Variants in MARK3 observed in about 807,000 individuals in gnomAD.
MARK3 encodes MAP/microtubule affinity-regulating kinase 3.
Under a neutral mutation model 90.1 loss-of-function variants are expected in MARK3, and 46 were observed. That is an observed-to-expected ratio of 0.51 (90% confidence interval 0.40 to 0.65). The LOEUF (loss-of-function observed/expected upper bound fraction) is 0.65. MARK3 is among the 30% of genes least tolerant of loss of function. MARK3 has a pLI of 0.00. For missense variants in MARK3, 818 were observed against 947.2 expected (o/e 0.86, Z 1.79); for synonymous variants, 321 against 332.6 (o/e 0.97, Z 0.38).
chr14:103,412,708 C>T (rs1595539952), intron 2 of MARK3: 3 of 622,374 alleles, frequency 4.8e-6, no homozygotes, highest in East Asian at 9.3e-5. Flanking sequence ...GGTTCCCGTG[C>T]AGGACTTCCT....
chr14:103,463,093 C>G (rs2093432360), intron 7 of MARK3, among the ~76,000 whole-genome samples: 1 of 151,914 alleles, frequency 6.6e-6, no homozygotes, highest in South Asian at 2.1e-4. Flanking sequence ...TATTCACTCT[C>G]CTTCTCTACT....
chr14:103,407,367 A>G (rs2091364581), intron 2 of MARK3, among the ~76,000 whole-genome samples: 1 of 152,034 alleles, frequency 6.6e-6, no homozygotes, highest in African/African-American at 2.4e-5. Flanking sequence ...AAGTTTCTTA[A>G]TCTCTCTACT....
chr14:103,416,726 C>G (rs6575985), intron 2 of MARK3, among the ~76,000 whole-genome samples: 1 of 151,822 alleles, frequency 6.6e-6, no homozygotes, highest in Non-Finnish European at 1.5e-5. Context: ...GAGCCGAGAT[C>G]GCACCACTGC....
At chr14:103,422,344 A>G (rs1329538508) in intron 2 of MARK3, among the ~76,000 whole-genome samples, 1 of 152,226 alleles carries the variant, frequency 6.6e-6, no homozygotes, top group Non-Finnish European at 1.5e-5. Context: ...AGTCCCAGCT[A>G]CTTGAGAGGC....
intron 2 of MARK3, among the ~76,000 whole-genome samples, chr14:103,412,927 T>G (rs1379091852): frequency 6.6e-6 from 1 of 151,520 alleles, no homozygotes; most frequent in Non-Finnish European, 1.5e-5. Context: ...CAGGCTAGAG[T>G]GCAGTGGCGT....
At chr14:103,502,345 A>C (rs180987649) in intron 17 of MARK3, among the ~76,000 whole-genome samples, 5 of 152,364 alleles carry the variant, frequency 3.3e-5, no homozygotes, top group African/African-American at 1.2e-4. Flanking sequence ...GAGGAAAAAC[A>C]ATGAGGTGGG....
chr14:103,450,875 AGT>A (rs61183226), intron 4 of MARK3, among the ~76,000 whole-genome samples: 3,866 of 114,684 alleles, frequency 0.034, 90 homozygotes, highest in African/African-American at 0.066. Context: ...TCATTTTTAA[AGT>A]GTGTGTGTGT....
intron 7 of MARK3, among the ~76,000 whole-genome samples, chr14:103,462,669 G>A (rs1301359169): frequency 6.6e-6 from 1 of 152,152 alleles, no homozygotes; most frequent in Non-Finnish European, 1.5e-5. Flanking sequence ...TTCAGTTACG[G>A]TGACTGGTGG....
chr14:103,419,495 G>C (rs1457829776), intron 2 of MARK3, among the ~76,000 whole-genome samples: 1 of 152,054 alleles, frequency 6.6e-6, no homozygotes, highest in Admixed American at 6.6e-5. Context: ...GCAAATTATT[G>C]AAAAGAGTGA....
At chr14:103,486,455 A>C (rs2093931048) in intron 14 of MARK3, among the ~76,000 whole-genome samples, 1 of 152,174 alleles carries the variant, frequency 6.6e-6, no homozygotes, top group Non-Finnish European at 1.5e-5. Flanking sequence ...ATAAAAATAA[A>C]AAAATTAATG....
At chr14:103,404,958 A>T in intron 1 of MARK3, 118 bp from the exon 2 acceptor site, 2 of 665,476 alleles carry the variant, frequency 3.0e-6, no homozygotes, top group Non-Finnish European at 4.9e-6. Flanking sequence ...TTGAAGTGCT[A>T]GATACTTTAA....
chr14:103,390,748 AC>A (rs1280737335), intron 1 of MARK3, among the ~76,000 whole-genome samples: 2 of 152,168 alleles, frequency 1.3e-5, no homozygotes, highest in Admixed American at 6.6e-5. Flanking sequence ...TCGCTCTGTC[AC>A]CCAGGCTGGA....
intron 13 of MARK3, among the ~76,000 whole-genome samples, chr14:103,479,354 A>G (rs907996079): frequency 6.6e-6 from 1 of 152,116 alleles, no homozygotes; most frequent in Non-Finnish European, 1.5e-5. Flanking sequence ...TTTCCTGGGT[A>G]TATATTTAGG....
In MARK3 at chr14:103,428,354, T is replaced by A. The variant is rs1003829019; in HGVS notation, c.244-33T>A. On this transcript the variant is annotated intron_variant, in intron 2 of 17. Transcript: ENST00000429436. ...TTATCAGTCCATAATTACTAAATTCTTAAAATCCATAAATATTTATTATTC... is the reference window on the plus strand; with the variant it reads ...TTATCAGTCCATAATTACTAAATTCATAAAATCCATAAATATTTATTATTC... The A allele has an allele frequency of 3.3e-6, 4 of 1,207,258 alleles. No individual in the cohort carries two copies. The African/African-American group carries it at 4.7e-5, about 14-fold the overall frequency. 74.8% of individuals were successfully genotyped at this position (1,207,258 alleles called of 1,614,324 possible). A position where few individuals can be genotyped will look rare whatever the true frequency, so the allele number is the denominator to read the frequency against.
intron 14 of MARK3, among the ~76,000 whole-genome samples, chr14:103,486,180 T>C (rs1310424316): frequency 1.3e-5 from 2 of 152,104 alleles, no homozygotes. Flanking sequence ...GCCTCACACC[T>C]ATAATCCCAG....
At chr14:103,481,301 G>A (rs886232323) in intron 14 of MARK3, among the ~76,000 whole-genome samples, 4 of 152,210 alleles carry the variant, frequency 2.6e-5, no homozygotes, top group African/African-American at 9.6e-5. Context: ...TTTTGGAAGA[G>A]CAGTAAGTGT....
At chr14:103,421,212 G>A (rs2092206555) in intron 2 of MARK3, among the ~76,000 whole-genome samples, 1 of 152,174 alleles carries the variant, frequency 6.6e-6, no homozygotes, top group South Asian at 2.1e-4. Context: ...AGTAAAGAAG[G>A]TGTTCTTAAA....
At chr14:103,461,050 G>C (rs1032060866) in intron 6 of MARK3, among the ~76,000 whole-genome samples, 1 of 152,168 alleles carries the variant, frequency 6.6e-6, no homozygotes, top group African/African-American at 2.4e-5. Flanking sequence ...TGTCCTTGCT[G>C]CTTATTCTGA....
intron 16 of MARK3, 80 bp from the exon 17 acceptor site, chr14:103,500,076 G>A (rs530271908): frequency 3.9e-6 from 4 of 1,036,496 alleles, no homozygotes; most frequent in African/African-American, 3.2e-5. Flanking sequence ...GTTGGTGTTG[G>A]TATTGGTGGT....
Sources: allele counts gnomAD v4.1 joint callset (sites outside exome capture counted in the v4.1 genomes callset), GRCh38; gene constraint gnomAD v4.1.1; transcripts MANE v1.5; gene names NCBI Gene and HGNC (gene_info 2026-07-23, HGNC 2026-07-21).